The following DDX21 variants were observed in gnomAD, a reference collection of about 807,000 sequenced individuals.
DDX21 encodes DExD-box helicase 21, also known as nucleolar RNA helicase 2.
DDX21 carries 18 observed loss-of-function variants against 90.0 expected under a neutral mutation model. The observed-to-expected ratio is 0.20, with a 90% CI of 0.14 to 0.30. The LOEUF is 0.30. Ranked by LOEUF, DDX21 falls within the 10% of genes least tolerant of loss-of-function variation. The pLI, the probability that DDX21 is intolerant of heterozygous loss-of-function variation, is 1.00. For synonymous variants in DDX21, 294 were observed against 318.0 expected (o/e 0.92, Z 0.80); for missense variants, 673 against 944.5 (o/e 0.71, Z 3.77).
chr10:68,971,741 T>A (rs1268145639), intron 8 of DDX21, 150 bp from the exon 9 acceptor site: 8 of 680,404 alleles, frequency 1.2e-5, no homozygotes, highest in African/African-American at 3.6e-5. Flanking sequence ...ATATTGAGGC[T>A]TATCCATTCA....
At position 68,970,291 on chromosome 10, in the gene DDX21, A is replaced by G. The variant is rs1843004140; in HGVS notation, c.1327A>G (p.Ile443Val). ...TAGTGGTCATCAAGGACGCACTATC[A>G]TCTTTTGTGAAACCAAGAAAGAAGC... is the stretch of plus-strand genomic sequence containing the variant. The part of the protein sequence containing the change: ...VYSGHQGRTI[I>V]FCETKKEAQE... Residue 443 changes from isoleucine to valine, a missense_variant, in exon 8 of 15, where the codon ATC becomes GTC. This residue lies in a region of DDX21 where 218 missense variants were observed against 347.3 expected (regional missense o/e 0.63). Transcript: ENST00000354185. The G allele has an allele frequency of 2.5e-6, 4 of 1,614,112 alleles. No homozygotes were observed. The highest frequency in any genetic ancestry group is 1.3e-5 in the African/African-American group (1 of 75,036).
In DDX21 at chr10:68,970,358, C is replaced by T. The variant is rs768598675; in HGVS notation, c.1386+8C>T. ...AATTCAGCTATAAAGCAGGTTGGTC[C>T]TTCCCCTTATGCCAGCAAAACTGGG... On this transcript the variant is annotated splice_region_variant and intron_variant, in intron 8 of 14. Transcript: ENST00000354185. 4 of 1,611,604 alleles carry T rather than the reference C, an allele frequency of 2.5e-6. No individual in the cohort carries two copies. The highest frequency in any genetic ancestry group is 3.4e-6 in the Non-Finnish European group (4 of 1,179,024).
chr10:68,957,237 C>T (rs977027096), intron 1 of DDX21, among the ~76,000 whole-genome samples: 1 of 152,092 alleles, frequency 6.6e-6, no homozygotes, highest in African/African-American at 2.4e-5. Flanking sequence ...CTGTTTGACC[C>T]ACATGAGTTG....
chr10:68,979,781 G>T lies in DDX21; in HGVS notation c.2037+805G>T, dbSNP rs114986899. 5.7e-3 allele frequency among the ~76,000 whole-genome samples: 866 copies of T among 152,260 alleles called. 16 individuals carry two copies. The highest frequency in any genetic ancestry group is 0.02 in the African/African-American group (815 of 41,552). Reference sequence around the variant, plus strand: ...TTAAGCAACTCCACAAAACTTGTGGGATAAAGTCTCAACCCTTTCATAGGA... The same window carrying T: ...TTAAGCAACTCCACAAAACTTGTGGTATAAAGTCTCAACCCTTTCATAGGA... On this transcript the variant is annotated intron_variant, in intron 13 of 14. Coordinates refer to ENST00000354185, the MANE Select transcript of DDX21 (RefSeq NM_004728.4).
intron 12 of DDX21, among the ~76,000 whole-genome samples, chr10:68,978,192 A>G (rs1280209513): frequency 2.0e-5 from 3 of 152,142 alleles, no homozygotes; most frequent in Non-Finnish European, 2.9e-5. Flanking sequence ...AGAGGCAGAA[A>G]ATATGAGTGG....
intron 5 of DDX21, among the ~76,000 whole-genome samples, chr10:68,966,073 G>C (rs1413176653): frequency 2.6e-5 from 4 of 151,478 alleles, no homozygotes; most frequent in African/African-American, 9.7e-5. Flanking sequence ...GAGGCGGGCA[G>C]ATCACAAGGG....
intron 10 of DDX21, 63 bp from the exon 11 acceptor site, chr10:68,974,607 G>A (rs1843069430): frequency 2.2e-6 from 3 of 1,390,182 alleles, no homozygotes; most frequent in East Asian, 4.6e-5. Context: ...TTAGGGGACT[G>A]CTTATCTTAT....
At position 68,960,242 on chromosome 10, in the gene DDX21, T is replaced by G; in HGVS notation, c.524T>G (p.Ile175Arg). The G allele has an allele frequency of 6.3e-7, 1 of 1,596,206 alleles. No homozygotes were observed. Among genetic ancestry groups the G allele is most frequent in the South Asian group, 1.1e-5 (1 of 87,592 alleles). ...EAASEESNSEIEQEIPVEQKE... is the reference protein window; with the variant it reads ...EAASEESNSEREQEIPVEQKE... ...GCCAGTGAAGAAAGTAACAGTGAGA[T>G]AGAGCAGGTACATTTGCACTTCATT... Residue 175 changes from isoleucine (I) to arginine (R), a missense_variant, in exon 2 of 15, where the codon ATA (isoleucine) becomes AGA (arginine). Around this residue, in one of 4 missense-constraint regions of DDX21, gnomAD observed 204 missense variants for 221.6 expected, o/e 0.92. Transcript: ENST00000354185.
chr10:68,966,244 T>C (rs1564626905), intron 5 of DDX21, among the ~76,000 whole-genome samples: 1 of 150,014 alleles, frequency 6.7e-6, no homozygotes, highest in East Asian at 2.1e-4. Flanking sequence ...GCCCGGCTAA[T>C]TTTTGTATTT....
intron 5 of DDX21, 37 bp from the exon 6 acceptor site, chr10:68,966,981 C>A: frequency 6.3e-7 from 1 of 1,588,178 alleles, no homozygotes; most frequent in Non-Finnish European, 8.6e-7. Flanking sequence ...AAAGTACTTA[C>A]TAAAAACCCA....
At chr10:68,971,034 G>A (rs1261103465) in intron 8 of DDX21, among the ~76,000 whole-genome samples, 4 of 143,572 alleles carry the variant, frequency 2.8e-5, no homozygotes, top group Admixed American at 1.5e-4. Context: ...GTGCATTGGC[G>A]TGGTCTCGGA....
chr10:68,970,904 C>T (rs1008648785), intron 8 of DDX21, among the ~76,000 whole-genome samples: 9 of 149,990 alleles, frequency 6.0e-5, no homozygotes, highest in South Asian at 2.1e-4. Context: ...CCACCTGCCT[C>T]GGCCACTCAG....
intron 1 of DDX21, among the ~76,000 whole-genome samples, chr10:68,957,528 T>C (rs1842814939): frequency 6.6e-6 from 1 of 152,198 alleles, no homozygotes; most frequent in Non-Finnish European, 1.5e-5. Context: ...AGCAATATTT[T>C]AGAATTGTAG....
intron 1 of DDX21, among the ~76,000 whole-genome samples, chr10:68,959,598 C>T (rs1479738106): frequency 6.6e-6 from 1 of 152,054 alleles, no homozygotes; most frequent in East Asian, 1.9e-4. Flanking sequence ...ATATACCCGT[C>T]TATATATATA....
chr10:68,967,150 A>T lies in DDX21; in HGVS notation c.1037A>T (p.Asp346Val). Reference protein sequence around the residue: ...VVLDEVDQMLDMGFADQVEEI... With the variant: ...VVLDEVDQMLVMGFADQVEEI... ...CTGGATGAAGTGGACCAGATGTTGGATATGGGATTTGCTGATCAAGTGGAA... is the reference window on the plus strand; with the variant it reads ...CTGGATGAAGTGGACCAGATGTTGGTTATGGGATTTGCTGATCAAGTGGAA... Residue 346 changes from aspartate (D) to valine (V), a missense_variant, in exon 6 of 15, where the codon GAT (aspartate) becomes GTT (valine). Transcript: ENST00000354185. 6.2e-7 allele frequency: 1 copy of T among 1,612,248 alleles called. No homozygotes were observed. The highest frequency in any genetic ancestry group is 8.5e-7 in the Non-Finnish European group (1 of 1,179,172).
At chr10:68,970,103 C>CATT (rs1843000974) in intron 7 of DDX21, 98 bp from the exon 8 acceptor site, 2 of 1,180,494 alleles carry the variant, frequency 1.7e-6, no homozygotes, top group Admixed American at 2.4e-5. Flanking sequence ...AGGAGCAAGA[C>CATT]ATTAGAACAT....
chr10:68,976,289 G>C lies in DDX21; in HGVS notation c.1743-1240G>C, dbSNP rs567531087. Among the ~76,000 whole-genome samples the C allele has an allele frequency of 4.0e-4, 58 of 146,630 alleles. No homozygotes were observed. In the South Asian group the frequency reaches 0.01, roughly 26 times the overall value. On this transcript the variant is annotated intron_variant, in intron 11 of 14. Transcript: ENST00000354185. ...GGAAGGGAGGAAAGGAAGGATGAGT[G>C]TATTTTTTTTTTTTTTGAGACAGAG...
chr10:68,984,404 T>C lies in DDX21; in HGVS notation c.*1592T>C, dbSNP rs1843238327. ...TTTGAACTTCAGTTCTGTCCTTGAATCCCGACTAGATATTTCTTGCCCTCT... is the reference window on the plus strand; with the variant it reads ...TTTGAACTTCAGTTCTGTCCTTGAACCCCGACTAGATATTTCTTGCCCTCT... On this transcript the variant is annotated 3_prime_UTR_variant, in exon 15 of 15. Transcript: ENST00000354185. 2.0e-5 allele frequency: 3 copies of C among 152,230 alleles called. No homozygotes were observed. Among genetic ancestry groups the C allele is most frequent in the Admixed American group, 1.3e-4 (2 of 15,290 alleles). 9.4% of individuals were successfully genotyped at this position (152,230 alleles called of 1,614,324 possible).
In DDX21 at chr10:68,967,207, A is replaced by T; in HGVS notation, c.1090+4A>T. 1 of 1,605,220 alleles carries T rather than the reference A, an allele frequency of 6.2e-7. No homozygotes were observed. The highest frequency in any genetic ancestry group is 1.3e-5 in the African/African-American group (1 of 74,562). ...TTAAGTGTGGCATACAAGAAAGGTA[A>T]TCCACAAATTCAAGAAGCTGATAAA... On this transcript the variant is annotated splice_donor_region_variant and intron_variant, in intron 6 of 14. Coordinates refer to ENST00000354185, the MANE Select transcript of DDX21 (RefSeq NM_004728.4).
Sources: gnomAD v4.1 joint callset for allele counts (sites outside exome capture counted in the v4.1 genomes callset) on GRCh38, gnomAD v4.1.1 for gene constraint, gnomAD v4.1.1 regional missense constraint, MANE v1.5 for transcripts, NCBI Gene and HGNC (gene_info 2026-07-23, HGNC 2026-07-21) for gene names.